Variants in TEX9 observed in about 807,000 individuals in gnomAD.
The protein encoded by TEX9 is testis-expressed protein 9.
In TEX9, 74 loss-of-function variants were observed where a neutral mutation model predicts 59.6. The observed-to-expected ratio is 1.24, with a 90% CI of 1.03 to 1.51. The LOEUF (loss-of-function observed/expected upper bound fraction) is 1.51, where lower values mean the gene tolerates loss of function less well. Among genes scored for constraint, TEX9 ranks in the 40% most tolerant of loss-of-function variants. The pLI is 0.00. For missense variants in TEX9, 522 were observed against 447.8 expected (o/e 1.17, Z -1.49); for synonymous variants, 186 against 152.2 (o/e 1.22, Z -1.64).
chr15:56,281,098 C>A (rs1439652527), intron 1 of TEX9, among the ~76,000 whole-genome samples: 1 of 152,066 alleles, frequency 6.6e-6, no homozygotes, highest in Non-Finnish European at 1.5e-5. Context: ...GAATTACTTG[C>A]ATATTGTCTT....
intron 1 of TEX9, among the ~76,000 whole-genome samples, chr15:56,272,816 A>T: frequency 6.6e-6 from 1 of 152,168 alleles, no homozygotes; most frequent in East Asian, 1.9e-4. Flanking sequence ...ATATTGTCAG[A>T]TTTAAATCTA....
At chr15:56,298,393 T>C (rs1361349277) in intron 1 of TEX9, among the ~76,000 whole-genome samples, 1 of 152,226 alleles carries the variant, frequency 6.6e-6, no homozygotes, top group African/African-American at 2.4e-5. Flanking sequence ...ATCTAAATTG[T>C]ATACTAGCTT....
chr15:56,304,489 T>G (rs982672449), intron 1 of TEX9, among the ~76,000 whole-genome samples: 5 of 152,244 alleles, frequency 3.3e-5, no homozygotes, highest in African/African-American at 1.2e-4. Flanking sequence ...TCAGCATCTA[T>G]TAAAATGATT....
intron 1 of TEX9, among the ~76,000 whole-genome samples, chr15:56,302,320 T>TACACAC (rs56766153): frequency 0.065 from 8,823 of 135,630 alleles, 343 homozygotes; most frequent in South Asian, 0.11. Flanking sequence ...AGACACTGTT[T>TACACAC]ACACACACAC....
chr15:56,320,102 G>A lies in TEX9; in HGVS notation c.-106-53339G>A, dbSNP rs537300776. 5.3e-5 allele frequency among the ~76,000 whole-genome samples: 8 copies of A among 152,194 alleles called. No homozygotes were observed. The East Asian group carries it at 1.5e-3, about 29-fold the overall frequency. On this transcript the variant is annotated intron_variant, in intron 1 of 5. Coordinates refer to the TEX9 transcript ENST00000560827. ...AGCTGCAGGTACAGGTGCCCTCATA[G>A]GCATTTTTATTGCAACATCTTTTAA...
intron 1 of TEX9, among the ~76,000 whole-genome samples, chr15:56,286,045 A>G (rs2044945702): frequency 6.6e-6 from 1 of 152,158 alleles, no homozygotes; most frequent in Admixed American, 6.6e-5. Context: ...TTATGACTTC[A>G]CCTTTATTCA....
intron 1 of TEX9, among the ~76,000 whole-genome samples, chr15:56,352,147 G>A (rs1468006814): frequency 2.6e-5 from 4 of 152,176 alleles, no homozygotes; most frequent in Non-Finnish European, 4.4e-5. Context: ...TCATTTCCAG[G>A]AATTTGGCAT....
chr15:56,320,547 G>T (rs2045879122), intron 1 of TEX9, among the ~76,000 whole-genome samples: 1 of 152,146 alleles, frequency 6.6e-6, no homozygotes, highest in African/African-American at 2.4e-5. Flanking sequence ...GCATGAGAGA[G>T]ATAGGACTCA....
At position 56,414,769 on chromosome 15, in the gene TEX9, T is replaced by A. The variant is rs1322220245; in HGVS notation, c.963+2333T>A. ...CTGGGTATAATACCAATAATGAGAT[T>A]GCTGGGTCCAATGGTAGTTCTGCTT... On this transcript the variant is annotated intron_variant, in intron 10 of 12. Coordinates refer to ENST00000352903, the Ensembl canonical transcript of TEX9. 6.6e-5 allele frequency among the ~76,000 whole-genome samples: 10 copies of A among 151,968 alleles called. No homozygotes were observed. The East Asian group carries it at 1.9e-3, about 29-fold the overall frequency.
At chr15:56,349,043 G>A (rs1311127159) in intron 1 of TEX9, among the ~76,000 whole-genome samples, 1 of 151,720 alleles carries the variant, frequency 6.6e-6, no homozygotes. Flanking sequence ...ATTTTTCAAT[G>A]TTTCCATGAG....
intron 1 of TEX9, among the ~76,000 whole-genome samples, chr15:56,281,229 TGAAAA>T (rs1293816688): frequency 1.3e-5 from 2 of 152,172 alleles, no homozygotes; most frequent in East Asian, 1.9e-4. Flanking sequence ...TAAAGTTAAA[TGAAAA>T]GAAAATTCCT....
intron 1 of TEX9, among the ~76,000 whole-genome samples, chr15:56,337,190 A>T (rs1991266): frequency 0.56 from 85,765 of 151,950 alleles, 24,469 homozygotes; most frequent in Non-Finnish European, 0.6. Flanking sequence ...TAACTGATAA[A>T]TCATTATTTC....
chr15:56,416,341 C>T (rs948988314), intron 10 of TEX9, among the ~76,000 whole-genome samples: 2 of 151,842 alleles, frequency 1.3e-5, no homozygotes, highest in African/African-American at 2.4e-5. Context: ...ATAATGTTGG[C>T]TGTGGGTTTG....
intron 1 of TEX9, among the ~76,000 whole-genome samples, chr15:56,259,073 GT>G (rs1325728302): frequency 4.0e-5 from 6 of 151,856 alleles, no homozygotes; most frequent in East Asian, 1.9e-4. Flanking sequence ...CATCTTTTAT[GT>G]TTTATGTTTT....
At chr15:56,289,416 G>C (rs2045032140) in intron 1 of TEX9, among the ~76,000 whole-genome samples, 1 of 152,144 alleles carries the variant, frequency 6.6e-6, no homozygotes, top group Admixed American at 6.5e-5. Context: ...GAATATAAAG[G>C]CACTTGCTGG....
downstream of TEX9, among the ~76,000 whole-genome samples, chr15:56,448,451 T>C (rs1403942256): frequency 6.6e-6 from 1 of 151,836 alleles, no homozygotes; most frequent in Non-Finnish European, 1.5e-5. Context: ...GTGTACTCAA[T>C]GTTTAGCTCC....
intron 1 of TEX9, among the ~76,000 whole-genome samples, chr15:56,291,705 C>G (rs2045098096): frequency 6.6e-6 from 1 of 152,184 alleles, no homozygotes. Context: ...AATTTCCCCA[C>G]TCCCCCCAAC....
At chr15:56,318,798 C>T (rs1460566699) in intron 1 of TEX9, among the ~76,000 whole-genome samples, 7 of 151,964 alleles carry the variant, frequency 4.6e-5, no homozygotes, top group Non-Finnish European at 5.9e-5. Flanking sequence ...AAATTTGCTC[C>T]GATATAGCTC....
downstream of TEX9, among the ~76,000 whole-genome samples, chr15:56,446,538 TATC>T (rs1251149411): frequency 2.6e-5 from 4 of 152,020 alleles, no homozygotes; most frequent in Admixed American, 1.3e-4. Context: ...AAAATACACT[TATC>T]ATGGTAACAA....
Sources: gnomAD v4.1 joint callset for allele counts (sites outside exome capture counted in the v4.1 genomes callset) on GRCh38, gnomAD v4.1.1 for gene constraint, MANE v1.5 for transcripts, NCBI Gene and HGNC (gene_info 2026-07-23, HGNC 2026-07-21) for gene names.